CIMIP1: variants seen among roughly 807,000 people sequenced by gnomAD.
CIMIP1 encodes ciliary microtubule inner protein 1, also known as low in lung cancer 1.
the CIMIP1 span, among the ~76,000 whole-genome samples, chr20:58,151,724 T>A: frequency 3.9e-5 from 6 of 151,966 alleles, no homozygotes; most frequent in South Asian, 2.1e-4. Flanking sequence ...AATTTTTTTT[T>A]AAAAAAAGAA....
the CIMIP1 span, chr20:58,155,607 C>T: frequency 1.4e-5 from 22 of 1,522,842 alleles, no homozygotes; most frequent in South Asian, 1.7e-4. Flanking sequence ...TTTTAAAATA[C>T]TCATTTTCCT....
chr20:58,157,951 G>A, the CIMIP1 span, among the ~76,000 whole-genome samples: 4 of 152,140 alleles, frequency 2.6e-5, no homozygotes. Flanking sequence ...CAAGAATACG[G>A]TGGCATGGGA....
the CIMIP1 span, chr20:58,161,125 T>C: frequency 4.9e-3 from 1,087 of 219,800 alleles, 14 homozygotes; most frequent in African/African-American, 0.024. Context: ...GATTCAATTT[T>C]AAAAATATTT....
chr20:58,155,675 GAAGGT>G, the CIMIP1 span: 4 of 902,568 alleles, frequency 4.4e-6, no homozygotes, highest in South Asian at 6.4e-5. Context: ...AGCCAGCACT[GAAGGT>G]AAGAGCACAG....
At chr20:58,153,614 C>A in the CIMIP1 span, 9 of 1,611,560 alleles carry the variant, frequency 5.6e-6, no homozygotes, top group African/African-American at 1.3e-5. Flanking sequence ...TTTAACAACC[C>A]CTTTTGAGGA....
chr20:58,161,061 A>G, the CIMIP1 span: 1 of 356,660 alleles, frequency 2.8e-6, no homozygotes, highest in Non-Finnish European at 5.0e-6. Flanking sequence ...GGCTTCTCTC[A>G]TTTGTTTTTG....
the CIMIP1 span, among the ~76,000 whole-genome samples, chr20:58,159,373 G>C: frequency 6.6e-6 from 1 of 151,764 alleles, no homozygotes; most frequent in African/African-American, 2.4e-5. Context: ...AAAATTAGCT[G>C]GGCATGATGG....
At chr20:58,155,718 C>T in the CIMIP1 span, 11 of 640,336 alleles carry the variant, frequency 1.7e-5, no homozygotes, top group East Asian at 2.9e-5. Context: ...TCCAGGTCCA[C>T]GTCCTTCCCA....
At chr20:58,156,249 G>C in the CIMIP1 span, among the ~76,000 whole-genome samples, 1 of 152,180 alleles carries the variant, frequency 6.6e-6, no homozygotes, top group Non-Finnish European at 1.5e-5. Context: ...GGCCGGTGGT[G>C]TGTCACAGGA....
At chr20:58,153,735 C>A in the CIMIP1 span, 2 of 815,960 alleles carry the variant, frequency 2.5e-6, no homozygotes, top group Non-Finnish European at 4.0e-6. Context: ...ATGTTGTAGG[C>A]AAAGATCACT....
the CIMIP1 span, among the ~76,000 whole-genome samples, chr20:58,156,427 C>G: frequency 6.6e-6 from 1 of 151,630 alleles, no homozygotes; most frequent in African/African-American, 2.4e-5. Context: ...CAAGGCGATG[C>G]GACAGGAGCT....
chr20:58,160,739 T>C, the CIMIP1 span: 271 of 1,614,114 alleles, frequency 1.7e-4, no homozygotes, highest in Admixed American at 7.2e-4. Context: ...CCTGAACAAG[T>C]GCCTAGAGCT....
At chr20:58,154,653 A>T in the CIMIP1 span, among the ~76,000 whole-genome samples, 1 of 152,214 alleles carries the variant, frequency 6.6e-6, no homozygotes, top group African/African-American at 2.4e-5. Flanking sequence ...TTATTAATAT[A>T]ATATGCATAA....
At chr20:58,150,940 G>A in the CIMIP1 span, 4 of 1,590,604 alleles carry the variant, frequency 2.5e-6, no homozygotes, top group African/African-American at 4.0e-5. Context: ...CAGAGCTTGC[G>A]GGGCGCACAG....
At chr20:58,158,630 A>G in the CIMIP1 span, among the ~76,000 whole-genome samples, 1 of 152,128 alleles carries the variant, frequency 6.6e-6, no homozygotes, top group South Asian at 2.1e-4. Context: ...AGCCTGGGCG[A>G]CAGAGTAAGA....
the CIMIP1 span, among the ~76,000 whole-genome samples, chr20:58,157,420 T>C: frequency 1.3e-5 from 2 of 152,252 alleles, no homozygotes; most frequent in African/African-American, 4.8e-5. Context: ...ATTCCTCAAA[T>C]GTATGTTCAT....
the CIMIP1 span, chr20:58,160,713 G>T: frequency 1.5e-5 from 25 of 1,614,018 alleles, no homozygotes; most frequent in Non-Finnish European, 2.0e-5. Flanking sequence ...ATCGGCTGGA[G>T]ATCTGCAGTG....
At chr20:58,160,818 A>G in the CIMIP1 span, 27 of 1,611,372 alleles carry the variant, frequency 1.7e-5, no homozygotes, top group Admixed American at 4.5e-4. Context: ...CAGGGCGTGC[A>G]CTGAATCCAG....
At chr20:58,157,116 C>T in the CIMIP1 span, among the ~76,000 whole-genome samples, 1 of 152,304 alleles carries the variant, frequency 6.6e-6, no homozygotes, top group Admixed American at 6.5e-5. Flanking sequence ...TAGGCTCTTA[C>T]CCATGATTAA....
Sources: gnomAD v4.1 joint callset for allele counts (sites outside exome capture counted in the v4.1 genomes callset) on GRCh38, gnomAD v4.1.1 for gene constraint, MANE v1.5 for transcripts, NCBI Gene and HGNC (gene_info 2026-07-23, HGNC 2026-07-21) for gene names.